The following CPQ variants were observed in gnomAD, a reference collection of about 807,000 sequenced individuals.
CPQ encodes the protein carboxypeptidase Q.
CPQ carries 37 observed loss-of-function variants against 45.7 expected under a neutral mutation model. That is an observed-to-expected ratio of 0.81 (90% CI 0.62 to 1.07). The LOEUF (loss-of-function observed/expected upper bound fraction) is 1.07, where lower values mean the gene tolerates loss of function less well. Among genes scored for constraint, CPQ ranks in the 50% least tolerant of loss-of-function variants. The pLI is 0.00. For synonymous variants in CPQ, 186 were observed against 205.8 expected, an observed-to-expected ratio of 0.90 and a Z score of 0.82; for missense variants, 537 against 572.9, an observed-to-expected ratio of 0.94 and a Z score of 0.64.
intron 1 of CPQ, among the ~76,000 whole-genome samples, chr8:96,741,019 C>T (rs1351101077): frequency 2.7e-5 from 4 of 149,850 alleles, no homozygotes; most frequent in Admixed American, 6.6e-5. Flanking sequence ...CCCTCTTTTT[C>T]TATTGATTGG....
chr8:97,061,131 A>G (rs897325372), intron 6 of CPQ, among the ~76,000 whole-genome samples: 1 of 152,146 alleles, frequency 6.6e-6, no homozygotes, highest in Non-Finnish European at 1.5e-5. Context: ...GAAATCAAAC[A>G]TTTCTATACC....
intron 1 of CPQ, among the ~76,000 whole-genome samples, chr8:96,694,791 G>A (rs547803906): frequency 1.3e-5 from 2 of 152,244 alleles, no homozygotes; most frequent in East Asian, 3.9e-4. Context: ...AAATTTATGT[G>A]TATAAGCAGC....
chr8:96,784,402 G>A (rs540978015), intron 1 of CPQ, among the ~76,000 whole-genome samples: 3 of 151,478 alleles, frequency 2.0e-5, no homozygotes, highest in East Asian at 1.9e-4. Flanking sequence ...TCTGAGGTGG[G>A]GGGGGGGTTG....
intron 5 of CPQ, among the ~76,000 whole-genome samples, chr8:97,017,404 C>T (rs1809599833): frequency 6.6e-6 from 1 of 152,198 alleles, no homozygotes; most frequent in Non-Finnish European, 1.5e-5. Flanking sequence ...CAAAAAGTCT[C>T]CTGGCCAGAA....
At chr8:97,003,857 G>A (rs566860038) in intron 5 of CPQ, among the ~76,000 whole-genome samples, 6 of 152,178 alleles carry the variant, frequency 3.9e-5, no homozygotes, top group African/African-American at 1.2e-4. Flanking sequence ...ACTACTATAC[G>A]TTATTTTTTT....
chr8:96,699,091 T>G (rs1032791427), intron 1 of CPQ, among the ~76,000 whole-genome samples: 6 of 152,148 alleles, frequency 3.9e-5, no homozygotes, highest in Admixed American at 1.3e-4. Context: ...TAAGTGTCCA[T>G]CAACAGATGA....
intron 7 of CPQ, among the ~76,000 whole-genome samples, chr8:97,069,521 C>T (rs1381091734): frequency 2.0e-5 from 3 of 150,376 alleles, no homozygotes; most frequent in African/African-American, 7.3e-5. Context: ...GGTTCTTCAT[C>T]TTTTTTCTAA....
intron 1 of CPQ, among the ~76,000 whole-genome samples, chr8:96,744,351 C>T (rs1361156504): frequency 2.0e-5 from 3 of 152,218 alleles, no homozygotes; most frequent in Non-Finnish European, 4.4e-5. Flanking sequence ...ACAGTGCGCG[C>T]ACCCACTGAC....
At chr8:96,745,816 C>A (rs1323580817) in intron 1 of CPQ, among the ~76,000 whole-genome samples, 1 of 152,206 alleles carries the variant, frequency 6.6e-6, no homozygotes, top group African/African-American at 2.4e-5. Flanking sequence ...AAATGGTAAG[C>A]ATCCCATCAC....
chr8:96,818,506 C>T (rs535930207), intron 2 of CPQ, among the ~76,000 whole-genome samples: 1 of 152,062 alleles, frequency 6.6e-6, no homozygotes, highest in Non-Finnish European at 1.5e-5. Flanking sequence ...GGGGTTGCAA[C>T]AAACTCGATT....
At chr8:96,877,151 G>A (rs1251871532) in intron 3 of CPQ, among the ~76,000 whole-genome samples, 2 of 152,168 alleles carry the variant, frequency 1.3e-5, no homozygotes. Flanking sequence ...TTTTACTACA[G>A]TGAAAGTAGA....
intron 7 of CPQ, among the ~76,000 whole-genome samples, chr8:97,140,145 A>G (rs1812134529): frequency 6.6e-6 from 1 of 152,000 alleles, no homozygotes; most frequent in Non-Finnish European, 1.5e-5. Context: ...TATTTTGAGC[A>G]TTTAGACAAA....
At chr8:96,749,441 G>C (rs932394184) in intron 1 of CPQ, among the ~76,000 whole-genome samples, 1 of 152,158 alleles carries the variant, frequency 6.6e-6, no homozygotes, top group African/African-American at 2.4e-5. Flanking sequence ...ATCTGGATTA[G>C]GGCCAATACT....
intron 7 of CPQ, among the ~76,000 whole-genome samples, chr8:97,101,374 T>A (rs987675249): frequency 1.3e-5 from 2 of 151,882 alleles, no homozygotes; most frequent in Non-Finnish European, 2.9e-5. Context: ...ATTGATCAAA[T>A]TGTGGTCAAT....
chr8:97,060,936 CT>C (rs1295536024), intron 6 of CPQ, among the ~76,000 whole-genome samples: 1 of 152,136 alleles, frequency 6.6e-6, no homozygotes, highest in African/African-American at 2.4e-5. Context: ...GTCCCAACTC[CT>C]TCACCATGTG....
At chr8:96,701,279 GAGA>G (rs1809454553) in intron 1 of CPQ, among the ~76,000 whole-genome samples, 1 of 152,164 alleles carries the variant, frequency 6.6e-6, no homozygotes, top group African/African-American at 2.4e-5. Context: ...AAGGATTTGG[GAGA>G]AGATTAAATG....
At chr8:96,910,130 C>A (rs185968760) in intron 4 of CPQ, among the ~76,000 whole-genome samples, 1 of 152,246 alleles carries the variant, frequency 6.6e-6, no homozygotes, top group East Asian at 1.9e-4. Context: ...TGAGAGGGAA[C>A]AAGTAAATCC....
intron 4 of CPQ, among the ~76,000 whole-genome samples, chr8:96,940,137 T>A (rs1813105642): frequency 6.6e-6 from 1 of 152,112 alleles, no homozygotes; most frequent in African/African-American, 2.4e-5. Context: ...TTTGCCTCAT[T>A]GTTCCCTAAG....
chr8:96,738,910 G>A (rs1365696897), intron 1 of CPQ, among the ~76,000 whole-genome samples: 35 of 151,718 alleles, frequency 2.3e-4, no homozygotes, highest in African/African-American at 4.8e-4. Context: ...GAATAATGCC[G>A]CAATAAACAT....
Sources: allele counts gnomAD v4.1 joint callset (sites outside exome capture counted in the v4.1 genomes callset), GRCh38; gene constraint gnomAD v4.1.1; transcripts MANE v1.5; gene names NCBI Gene and HGNC (gene_info 2026-07-23, HGNC 2026-07-21).